STARD13: variants seen among roughly 807,000 people sequenced by gnomAD.
STARD13 encodes StAR related lipid transfer domain containing 13.
A neutral mutation model predicts 106.4 loss-of-function variants in STARD13; 62 were observed. The ratio of observed to expected loss-of-function variants is 0.58; its 90% CI spans 0.48 to 0.72. The LOEUF (loss-of-function observed/expected upper bound fraction) is 0.72. STARD13 is among the 30% of genes least tolerant of loss of function. STARD13 has a pLI of 0.00. For missense variants in STARD13, 1,387 were observed against 1,424.0 expected, an observed-to-expected ratio of 0.97 and a Z score of 0.42; for synonymous variants, 565 against 553.0, an observed-to-expected ratio of 1.02 and a Z score of -0.31.
At chr13:33,451,392 C>T in the STARD13 span, among the ~76,000 whole-genome samples, 14 of 151,988 alleles carry the variant, frequency 9.2e-5, no homozygotes, top group East Asian at 3.9e-4. Context: ...AGGAAGAGAT[C>T]GGACACAAGT....
the STARD13 span, among the ~76,000 whole-genome samples, chr13:33,525,248 C>T: frequency 6.6e-6 from 1 of 152,062 alleles, no homozygotes; most frequent in African/African-American, 2.4e-5. Context: ...GTCTTGAACT[C>T]CTGGGCTCAA....
intron 1 of STARD13, among the ~76,000 whole-genome samples, chr13:33,257,130 A>G (rs1203719384): frequency 2.6e-5 from 4 of 152,360 alleles, no homozygotes; most frequent in Admixed American, 6.5e-5. Flanking sequence ...AGGATGTTCA[A>G]TTAAGGCCAT....
At chr13:33,523,116 G>T in the STARD13 span, among the ~76,000 whole-genome samples, 2 of 152,076 alleles carry the variant, frequency 1.3e-5, no homozygotes, top group Non-Finnish European at 2.9e-5. Flanking sequence ...GATCAACTTA[G>T]CTCCTTTCCT....
Position 33,127,557 on chromosome 13 carries a change from G to C in STARD13, c.1749-11C>G, listed in dbSNP as rs1479409737. 2.6e-6 allele frequency: 4 copies of C among 1,522,614 alleles called. No individual in the cohort carries two copies. The East Asian group carries it at 7.4e-5, about 28-fold the overall frequency. The allele number at this position is 1,522,614 out of a possible 1,614,324, so 94.3% of individuals were successfully genotyped here. A position where few individuals can be genotyped will look rare whatever the true frequency, so the allele number is the denominator to read the frequency against. On this transcript the variant is annotated splice_polypyrimidine_tract_variant and intron_variant, in intron 5 of 13. Coordinates refer to ENST00000336934, the MANE Select transcript of STARD13 (RefSeq NM_178006.4). ...TTCCATCGGAGTCGCCTTTACCAGA[G>C]AGACCATCAGAGAAGCCAGTCACAA...
chr13:33,545,708 T>G, the STARD13 span, among the ~76,000 whole-genome samples: 1 of 152,184 alleles, frequency 6.6e-6, no homozygotes, highest in Non-Finnish European at 1.5e-5. Context: ...CAGAGCTGGT[T>G]GTTAAGAGCC....
At chr13:33,137,902 G>A (rs1879265372) in intron 4 of STARD13, among the ~76,000 whole-genome samples, 1 of 152,160 alleles carries the variant, frequency 6.6e-6, no homozygotes, top group African/African-American at 2.4e-5. Context: ...GGGAGATGCG[G>A]GGGTGTGCAA....
chr13:33,448,260 C>T, the STARD13 span, among the ~76,000 whole-genome samples: 1 of 152,084 alleles, frequency 6.6e-6, no homozygotes, highest in Non-Finnish European at 1.5e-5. Context: ...CTCCTATTCT[C>T]CCTCCTCACT....
chr13:33,648,659 G>T, the STARD13 span, among the ~76,000 whole-genome samples: 2 of 151,650 alleles, frequency 1.3e-5, no homozygotes. Flanking sequence ...AAGAACAGCT[G>T]GTTCAATCTT....
intron 1 of STARD13, among the ~76,000 whole-genome samples, chr13:33,261,490 C>T (rs939894533): frequency 2.6e-5 from 4 of 152,144 alleles, no homozygotes; most frequent in Non-Finnish European, 5.9e-5. Flanking sequence ...AACTATTTCA[C>T]GGAAACATAA....
the STARD13 span, among the ~76,000 whole-genome samples, chr13:33,484,310 A>G: frequency 1.3e-5 from 2 of 152,268 alleles, no homozygotes; most frequent in African/African-American, 4.8e-5. Context: ...AGATGTAGGC[A>G]TAGTTAAATG....
chr13:33,456,945 A>G, the STARD13 span, among the ~76,000 whole-genome samples: 6 of 152,214 alleles, frequency 3.9e-5, no homozygotes, highest in African/African-American at 1.4e-4. Context: ...AAAGCCTAAA[A>G]CATTTACTAT....
the STARD13 span, among the ~76,000 whole-genome samples, chr13:33,601,821 C>A: frequency 6.6e-6 from 1 of 152,152 alleles, no homozygotes; most frequent in Admixed American, 6.5e-5. Flanking sequence ...GGACAGTAGA[C>A]CCTGGAGGGC....
chr13:33,325,919 A>G (rs890255393), intron 1 of STARD13, among the ~76,000 whole-genome samples: 1 of 139,408 alleles, frequency 7.2e-6, no homozygotes, highest in Non-Finnish European at 1.5e-5. Flanking sequence ...CGGGAGGCGG[A>G]GCTTGCAGTG....
chr13:33,588,086 C>G, the STARD13 span, among the ~76,000 whole-genome samples: 2 of 152,092 alleles, frequency 1.3e-5, no homozygotes, highest in Non-Finnish European at 2.9e-5. Context: ...TATCATTTAG[C>G]ACATACTGCT....
chr13:33,508,570 A>T, the STARD13 span, among the ~76,000 whole-genome samples: 2 of 152,210 alleles, frequency 1.3e-5, no homozygotes, highest in Non-Finnish European at 2.9e-5. Flanking sequence ...ACCCTAACCA[A>T]TACAGTATTT....
At chr13:33,122,756 T>C (rs1876537316) in intron 7 of STARD13, among the ~76,000 whole-genome samples, 2 of 152,068 alleles carry the variant, frequency 1.3e-5, no homozygotes, top group South Asian at 2.1e-4. Context: ...AACCTAGCTA[T>C]GAAAAAGCAA....
intron 2 of STARD13, among the ~76,000 whole-genome samples, chr13:33,165,684 C>T (rs776638781): frequency 9.2e-5 from 14 of 152,192 alleles, no homozygotes; most frequent in Non-Finnish European, 1.8e-4. Flanking sequence ...CTAGCTCATC[C>T]TTATTACAGT....
At chr13:33,284,140 T>C (rs1327147099) in intron 1 of STARD13, among the ~76,000 whole-genome samples, 1 of 152,182 alleles carries the variant, frequency 6.6e-6, no homozygotes, top group Non-Finnish European at 1.5e-5. Context: ...ATTACTTTTG[T>C]TTCTATTCAA....
At chr13:33,228,232 T>C (rs189517794) in intron 1 of STARD13, among the ~76,000 whole-genome samples, 48 of 152,268 alleles carry the variant, frequency 3.2e-4, no homozygotes, top group African/African-American at 5.5e-4. Flanking sequence ...TCTGGTGGAT[T>C]GCAGCCTCTG....
Sources: allele counts gnomAD v4.1 joint callset (sites outside exome capture counted in the v4.1 genomes callset), GRCh38; gene constraint gnomAD v4.1.1; transcripts MANE v1.5; gene names NCBI Gene and HGNC (gene_info 2026-07-23, HGNC 2026-07-21).